The following MAF variants were observed in gnomAD, a reference collection of about 807,000 sequenced individuals.
MAF encodes the protein MAF bZIP transcription factor.
A neutral mutation model predicts 22.0 loss-of-function variants in MAF; 10 were observed. That is an observed-to-expected ratio of 0.45 (90% CI 0.28 to 0.77). The LOEUF is 0.77. Ranked by LOEUF, MAF falls within the 30% of genes least tolerant of loss-of-function variation. The pLI is 0.12. For synonymous variants in MAF, 337 were observed against 255.8 expected (o/e 1.32, Z -3.03); for missense variants, 544 against 548.4 (o/e 0.99, Z 0.08).
At chr16:79,233,522 C>T in the MAF span, among the ~76,000 whole-genome samples, 1 of 151,990 alleles carries the variant, frequency 6.6e-6, no homozygotes, top group Non-Finnish European at 1.5e-5. Context: ...GCATCAGTAG[C>T]TAAGCATCAC....
At chr16:79,211,983 T>TAAAGC in the MAF span, 37 of 1,536,130 alleles carry the variant, frequency 2.4e-5, no homozygotes, top group Non-Finnish European at 3.1e-5. Flanking sequence ...TGGGGTAAAG[T>TAAAGC]ATCACTTTTC....
chr16:79,298,613 A>G, the MAF span, among the ~76,000 whole-genome samples: 1 of 152,178 alleles, frequency 6.6e-6, no homozygotes, highest in Non-Finnish European at 1.5e-5. Context: ...TGGGCACTAA[A>G]CAGAAGCCAG....
the MAF span, among the ~76,000 whole-genome samples, chr16:79,306,002 A>C: frequency 6.6e-6 from 1 of 152,142 alleles, no homozygotes. Context: ...TTTTGGCTTC[A>C]CTGGTAACAT....
the MAF span, chr16:79,212,045 A>AAAGT: frequency 6.5e-7 from 1 of 1,536,282 alleles, no homozygotes; most frequent in Non-Finnish European, 8.7e-7. Context: ...GGCCTGTTTG[A>AAAGT]AAGTAAAAAC....
At chr16:79,582,762 G>A (rs73587052), downstream of MAF, among the ~76,000 whole-genome samples, 2,266 of 152,310 alleles carry the variant, frequency 0.015, 60 homozygotes, top group African/African-American at 0.051. Context: ...ATTAGCTTAA[G>A]ACATACTCGT....
At chr16:79,281,280 C>T in the MAF span, among the ~76,000 whole-genome samples, 1 of 150,118 alleles carries the variant, frequency 6.7e-6, no homozygotes, top group Non-Finnish European at 1.5e-5. Context: ...GTAAATGCTC[C>T]AGCTAATCCC....
chr16:79,355,868 G>T, the MAF span, among the ~76,000 whole-genome samples: 1 of 152,096 alleles, frequency 6.6e-6, no homozygotes, highest in Non-Finnish European at 1.5e-5. Context: ...ATTCCCAGAG[G>T]GAGATGAGGC....
the MAF span, among the ~76,000 whole-genome samples, chr16:79,511,517 T>A: frequency 6.6e-6 from 1 of 152,198 alleles, no homozygotes; most frequent in Admixed American, 6.5e-5. Flanking sequence ...TAACAAATTT[T>A]AATTTCAAAA....
the MAF span, among the ~76,000 whole-genome samples, chr16:79,557,155 T>A: frequency 1.4e-4 from 19 of 134,624 alleles, no homozygotes; most frequent in East Asian, 3.8e-3. Flanking sequence ...TCAACAGACT[T>A]CAGCAAGTGT....
chr16:79,453,388 T>C, the MAF span, among the ~76,000 whole-genome samples: 1 of 152,222 alleles, frequency 6.6e-6, no homozygotes, highest in Non-Finnish European at 1.5e-5. Context: ...TCAACCAGGA[T>C]ACTTTCTCAC....
the MAF span, among the ~76,000 whole-genome samples, chr16:79,502,027 T>G: frequency 2.0e-5 from 3 of 152,328 alleles, no homozygotes; most frequent in South Asian, 6.2e-4. Flanking sequence ...AGGGTATCAA[T>G]TTCTTAATAA....
the MAF span, among the ~76,000 whole-genome samples, chr16:79,529,445 T>C: frequency 2.0e-5 from 3 of 152,186 alleles, no homozygotes; most frequent in Non-Finnish European, 4.4e-5. Flanking sequence ...TATTCTGAAA[T>C]CTACATACTA....
At chr16:79,418,698 C>T in the MAF span, among the ~76,000 whole-genome samples, 2 of 152,138 alleles carry the variant, frequency 1.3e-5, no homozygotes, top group African/African-American at 2.4e-5. Flanking sequence ...ACATGATCCC[C>T]GGGCGCCTAC....
downstream of MAF, among the ~76,000 whole-genome samples, chr16:79,593,079 C>G (rs528145219): frequency 1.3e-5 from 2 of 151,842 alleles, no homozygotes; most frequent in Admixed American, 1.3e-4. Context: ...GCAGCCAAAA[C>G]AGAAAAAAAC....
At chr16:79,583,931 G>A (rs527933357), downstream of MAF, among the ~76,000 whole-genome samples, 3 of 152,290 alleles carry the variant, frequency 2.0e-5, no homozygotes, top group South Asian at 6.2e-4. Context: ...CAGTCTTGGC[G>A]CAGCATGCAT....
the MAF span, among the ~76,000 whole-genome samples, chr16:79,473,609 C>G: frequency 3.9e-5 from 6 of 152,314 alleles, no homozygotes; most frequent in South Asian, 1.2e-3. Context: ...ACCTCAGCCT[C>G]TCTCCTGAGT....
the MAF span, among the ~76,000 whole-genome samples, chr16:79,477,355 G>C: frequency 6.6e-6 from 1 of 152,198 alleles, no homozygotes; most frequent in Admixed American, 6.5e-5. Context: ...TGGCTGTTCA[G>C]TCGCCCAGTG....
the MAF span, among the ~76,000 whole-genome samples, chr16:79,463,630 C>G: frequency 1.3e-5 from 2 of 152,090 alleles, no homozygotes; most frequent in African/African-American, 4.8e-5. Flanking sequence ...CAAGTCAAAC[C>G]CTGCTGGACC....
the MAF span, among the ~76,000 whole-genome samples, chr16:79,520,719 T>A: frequency 6.6e-6 from 1 of 152,110 alleles, no homozygotes; most frequent in Non-Finnish European, 1.5e-5. Context: ...GCTTGGGTGG[T>A]CTTGGGCCAC....
Sources: allele counts gnomAD v4.1 joint callset (sites outside exome capture counted in the v4.1 genomes callset), GRCh38; gene constraint gnomAD v4.1.1; transcripts MANE v1.5; gene names NCBI Gene and HGNC (gene_info 2026-07-23, HGNC 2026-07-21).